Variants in MPP2 observed in about 807,000 individuals in gnomAD.
The protein encoded by MPP2 is MAGUK p55 subfamily member 2.
MPP2 carries 42 observed loss-of-function variants against 58.5 expected under a neutral mutation model. The observed-to-expected ratio is 0.72, with a 90% CI of 0.56 to 0.93. The LOEUF (loss-of-function observed/expected upper bound fraction) is 0.93, where lower values mean the gene tolerates loss of function less well. Ranked by LOEUF, MPP2 falls within the 40% of genes least tolerant of loss-of-function variation. The probability of loss-of-function intolerance (pLI) is 0.00; values close to 1 mark genes in which losing one functional copy is unlikely to be tolerated. For missense variants in MPP2, 632 were observed against 760.4 expected, an observed-to-expected ratio of 0.83 and a Z score of 1.99; for synonymous variants, 300 against 307.8, an observed-to-expected ratio of 0.97 and a Z score of 0.26.
intron 2 of MPP2, among the ~76,000 whole-genome samples, chr17:43,900,207 CAG>C (rs1263347076): frequency 6.6e-6 from 1 of 152,196 alleles, no homozygotes; most frequent in Non-Finnish European, 1.5e-5. Context: ...TGGCATTGGT[CAG>C]AGACCTGCGA....
intron 2 of MPP2, among the ~76,000 whole-genome samples, chr17:43,899,378 C>A (rs1435721777): frequency 1.3e-5 from 1 of 75,236 alleles, no homozygotes; most frequent in Non-Finnish European, 3.2e-5. Context: ...CGGAGCAAGT[C>A]CGTGAGTACA....
At chr17:43,878,851 A>G (rs565919811) in intron 12 of MPP2, among the ~76,000 whole-genome samples, 36 of 152,304 alleles carry the variant, frequency 2.4e-4, no homozygotes, top group Non-Finnish European at 4.4e-4. Context: ...CTGCTCCCTG[A>G]CGCTGACTCA....
intron 2 of MPP2, among the ~76,000 whole-genome samples, chr17:43,903,014 G>C (rs1397761042): frequency 6.6e-6 from 1 of 152,180 alleles, no homozygotes; most frequent in Non-Finnish European, 1.5e-5. Flanking sequence ...GGCCAGGTGT[G>C]GTGGCTCATG....
chr17:43,902,206 G>A, intron 2 of MPP2, among the ~76,000 whole-genome samples: 1 of 152,102 alleles, frequency 6.6e-6, no homozygotes, highest in East Asian at 1.9e-4. Flanking sequence ...CAACATGAAG[G>A]GGAGCAGGAG....
intron 5 of MPP2, 59 bp downstream of exon 5, chr17:43,882,844 G>T: frequency 1.2e-6 from 2 of 1,605,648 alleles, no homozygotes; most frequent in Admixed American, 1.7e-5. Flanking sequence ...TCCGTTCATT[G>T]GTTATTCTCA....
chr17:43,887,002 C>T (rs535647560), intron 3 of MPP2, among the ~76,000 whole-genome samples: 133 of 151,888 alleles, frequency 8.8e-4, no homozygotes, highest in African/African-American at 3.1e-3. Flanking sequence ...AATGATTTCC[C>T]CCAGTTTGTC....
At chr17:43,904,009 C>T (rs1028391836) in intron 2 of MPP2, among the ~76,000 whole-genome samples, 1 of 152,182 alleles carries the variant, frequency 6.6e-6, no homozygotes, top group African/African-American at 2.4e-5. Flanking sequence ...GCCTAGTGGG[C>T]AGCGATTATG....
rs2046903875 is a variant in MPP2, at chr17:43,877,653, G to A, written c.*154C>T. 2.8e-6 allele frequency: 2 copies of A among 712,880 alleles called. No individual in the cohort carries two copies. Among genetic ancestry groups the A allele is most frequent in the East Asian group, 5.0e-5 (2 of 40,250 alleles). 44.2% of individuals were successfully genotyped at this position (712,880 alleles called of 1,614,324 possible). ...CCTCCCTGGCAGTGCACGCCTCTGT[G>A]CTGAAGCCAGACTTAGGGCCTGCTG... On this transcript the variant is annotated 3_prime_UTR_variant, in exon 13 of 13. Coordinates refer to ENST00000269095, the MANE Select transcript of MPP2 (RefSeq NM_005374.5).
In MPP2 at chr17:43,881,277, C is replaced by G. The variant is rs758282842; in HGVS notation, c.886G>C (p.Val296Leu). Reference sequence around the variant, plus strand: ...GGTGTCAGCTCCAGGTCCCTCTTGACAAATGCTTTCCGCTTCTCCTCCAGC... The same window carrying G: ...GGTGTCAGCTCCAGGTCCCTCTTGAGAAATGCTTTCCGCTTCTCCTCCAGC... Reference protein sequence around the residue: ...QLLEEKRKAFVKRDLELTPNS... With the variant: ...QLLEEKRKAFLKRDLELTPNS... Residue 296 changes from valine to leucine, a missense_variant, in exon 8 of 13, where the codon GTC becomes CTC. Physicochemically the swap from Val to Leu is conservative, Grantham distance 32. Coordinates refer to ENST00000269095, the MANE Select transcript of MPP2 (RefSeq NM_005374.5). 4.3e-6 allele frequency: 7 copies of G among 1,614,092 alleles called. No homozygotes were observed. Among genetic ancestry groups the G allele is most frequent in the Non-Finnish European group, 5.9e-6 (7 of 1,180,018 alleles).
intron 1 of MPP2, chr17:43,905,984 G>T: frequency 1.8e-6 from 1 of 546,956 alleles, no homozygotes; most frequent in Non-Finnish European, 2.3e-6. Context: ...AAATGCCCAG[G>T]ATCCACTGTG....
chr17:43,891,139 G>A (rs1642011894), intron 3 of MPP2, among the ~76,000 whole-genome samples: 1 of 152,018 alleles, frequency 6.6e-6, no homozygotes, highest in Non-Finnish European at 1.5e-5. Flanking sequence ...GCTTTCCCAG[G>A]TCTTCCACCC....
chr17:43,907,129 G>T (rs1835195048), intron 1 of MPP2: 2 of 969,666 alleles, frequency 2.1e-6, no homozygotes, highest in Non-Finnish European at 2.5e-6. Flanking sequence ...CGGTTCTTAC[G>T]TAATGCCGGG....
Position 43,880,987 on chromosome 17 carries a change from G to A in MPP2, c.988+103C>T, listed in dbSNP as rs968397557. On this transcript the variant is annotated intron_variant, in intron 9 of 12. Coordinates refer to ENST00000269095, the MANE Select transcript of MPP2 (RefSeq NM_005374.5). This position sits in a 1 kb window ranked among gnomAD's most constrained non-coding sequence, Gnocchi z 5.2. Reference sequence around the variant, plus strand: ...CGGGCAGGGCCTAGGGACACGGCTGGCAGCATCTGAGCCAGGCACACGTCG... The same window carrying A: ...CGGGCAGGGCCTAGGGACACGGCTGACAGCATCTGAGCCAGGCACACGTCG... 2 of 1,526,648 alleles carry A rather than the reference G, an allele frequency of 1.3e-6. No individual in the cohort carries two copies. The highest frequency in any genetic ancestry group is 1.2e-5 in the South Asian group (1 of 85,026). 94.6% of individuals were successfully genotyped at this position (1,526,648 alleles called of 1,614,324 possible).
At chr17:43,906,644 T>G (rs2048299174) in intron 1 of MPP2, among the ~76,000 whole-genome samples, 1 of 152,050 alleles carries the variant, frequency 6.6e-6, no homozygotes, top group South Asian at 2.1e-4. Context: ...GGCCAGAGGA[T>G]GGGGTCGAAA....
chr17:43,887,601 CTT>C (rs141109491), intron 3 of MPP2, among the ~76,000 whole-genome samples: 2,536 of 151,912 alleles, frequency 0.017, 66 homozygotes, highest in African/African-American at 0.057. Flanking sequence ...AATAAATACA[CTT>C]TGATATCTTT....
At chr17:43,891,914 A>G (rs2047623819) in intron 3 of MPP2, among the ~76,000 whole-genome samples, 1 of 152,150 alleles carries the variant, frequency 6.6e-6, no homozygotes, top group African/African-American at 2.4e-5. Context: ...CAGCCTTCAC[A>G]TGCCTCTCAG....
chr17:43,881,160 T>C lies in MPP2; in HGVS notation c.920-2A>G, dbSNP rs903036441. ...CTGAAAGGCTGCCGCATAGGGTCCC[T>C]GGCCATAGGGAGATGGGTGAGTGAG... is the stretch of plus-strand genomic sequence containing the variant. On this transcript the variant is annotated splice_acceptor_variant, in intron 8 of 12. Coordinates refer to ENST00000269095, the MANE Select transcript of MPP2 (RefSeq NM_005374.5). LOFTEE classifies it high-confidence loss of function. 1 of 1,613,872 alleles carries C rather than the reference T, an allele frequency of 6.2e-7. No homozygotes were observed. The highest frequency in any genetic ancestry group is 8.5e-7 in the Non-Finnish European group (1 of 1,179,950).
Position 43,877,747 on chromosome 17 carries a change from G to A in MPP2, c.*60C>T. 2 of 1,445,116 alleles carry A rather than the reference G, an allele frequency of 1.4e-6. No individual in the cohort carries two copies. Among genetic ancestry groups the A allele is most frequent in the East Asian group, 4.6e-5 (2 of 43,712 alleles). The allele number at this position is 1,445,116 out of a possible 1,614,324, so 89.5% of individuals were successfully genotyped here. The stretch of plus-strand genomic sequence containing the variant: ...GTGGCAGGGGGTCACAGGTCAGGAG[G>A]GGGATGGATTCAGGTTCTGGGTTTC... On this transcript the variant is annotated 3_prime_UTR_variant, in exon 13 of 13. Transcript: ENST00000269095.
Position 43,883,344 on chromosome 17 carries a change from C to T in MPP2, c.162G>A (p.Arg54=), listed in dbSNP as rs752490445. The part of the protein sequence containing the change: ...IVRSLAKAHE[R]LEETKLEAVR... ...CGGCCTCCAGCTTCGTCTCCTCCAGCCTCTCATGGGCCTGGGGGTGGAAGC... is the reference window on the plus strand; with the variant it reads ...CGGCCTCCAGCTTCGTCTCCTCCAGTCTCTCATGGGCCTGGGGGTGGAAGC... The change falls in exon 4 of 13, where the codon AGG becomes AGA. Residue 54 remains arginine (R), a synonymous_variant. Transcript: ENST00000269095. 1.9e-6 allele frequency: 3 copies of T among 1,611,476 alleles called. No homozygotes were observed. The highest frequency in any genetic ancestry group is 3.3e-4 in the Middle Eastern group (2 of 6,080).
Sources: gnomAD v4.1 joint callset for allele counts (sites outside exome capture counted in the v4.1 genomes callset) on GRCh38, gnomAD v4.1.1 for gene constraint, Gnocchi (gnomAD v3.1) non-coding constraint, MANE v1.5 for transcripts, NCBI Gene and HGNC (gene_info 2026-07-23, HGNC 2026-07-21) for gene names.